CHAC2: variants seen among roughly 807,000 people sequenced by gnomAD.
CHAC2 encodes glutathione-specific gamma-glutamylcyclotransferase 2.
CHAC2 carries 20 observed loss-of-function variants against 16.9 expected under a neutral mutation model. The observed-to-expected ratio is 1.18, with a 90% CI of 0.83 to 1.72. The LOEUF is 1.72. Ranked by LOEUF, CHAC2 falls within the 40% of genes most tolerant of loss-of-function variation. The probability of loss-of-function intolerance (pLI) is 0.00; values close to 1 mark genes in which losing one functional copy is unlikely to be tolerated. For missense variants in CHAC2, 269 were observed against 222.2 expected, an observed-to-expected ratio of 1.21 and a Z score of -1.34; for synonymous variants, 91 against 77.3, an observed-to-expected ratio of 1.18 and a Z score of -0.93.
At position 53,774,335 on chromosome 2, in the gene CHAC2, C is replaced by A. The variant is rs377090726; in HGVS notation, c.365C>A (p.Ala122Glu). 2 of 1,613,424 alleles carry A rather than the reference C, an allele frequency of 1.2e-6. No homozygotes were observed. Among genetic ancestry groups the A allele is most frequent in the Non-Finnish European group, 1.7e-6 (2 of 1,179,846 alleles). The part of the protein sequence containing the change: ...TCDNPDYLGP[A>E]PLEDIAEQIF... ...GATAATCCTGATTATCTTGGTCCTG[C>A]ACCTCTGGAAGACATTGCTGAACAA... Residue 122 changes from alanine to glutamate, a missense_variant, in exon 3 of 3, where the codon GCA (alanine) becomes GAA (glutamate). Transcript: ENST00000295304.
Position 53,774,903 on chromosome 2 carries a change from T to C in CHAC2, c.*378T>C, listed in dbSNP as rs985451221. On this transcript the variant is annotated 3_prime_UTR_variant, in exon 3 of 3. Coordinates refer to ENST00000295304, the MANE Select transcript of CHAC2 (RefSeq NM_001008708.4). ...AATAAATATAAGGTTATGCCTTCAA[T>C]ATATTCCTATACAATTCTGTAACCA... 6.2e-6 allele frequency: 1 copy of C among 160,654 alleles called. No homozygotes were observed. Among genetic ancestry groups the C allele is most frequent in the Admixed American group, 6.2e-5 (1 of 16,096 alleles). The allele number at this position is 160,654 out of a possible 1,614,324, so 10.0% of individuals were successfully genotyped here.
chr2:53,772,166 G>A (rs1290090182), intron 2 of CHAC2, among the ~76,000 whole-genome samples: 1 of 148,342 alleles, frequency 6.7e-6, no homozygotes, highest in African/African-American at 2.6e-5. Flanking sequence ...CAAATAGCAT[G>A]TAGTTTTCGT....
upstream of CHAC2, chr2:53,767,794 G>A (rs747083491): frequency 1.7e-5 from 25 of 1,490,210 alleles, no homozygotes; most frequent in East Asian, 5.0e-5. Context: ...TGCGCCCCGC[G>A]CGGCCGGTTA....
At chr2:53,770,182 C>T (rs959571766) in intron 1 of CHAC2, among the ~76,000 whole-genome samples, 3 of 151,964 alleles carry the variant, frequency 2.0e-5, no homozygotes, top group African/African-American at 4.8e-5. Context: ...AACACAGGAA[C>T]GTTTATAGTT....
intron 1 of CHAC2, 51 bp downstream of exon 1, chr2:53,768,072 C>T (rs1206267012): frequency 1.9e-6 from 3 of 1,599,448 alleles, no homozygotes; most frequent in African/African-American, 2.7e-5. Flanking sequence ...CCCCTGCTCC[C>T]CAACTCCACA....
chr2:53,774,456 G>A lies in CHAC2; in HGVS notation c.486G>A (p.Glu162=). 6.3e-7 allele frequency: 1 copy of A among 1,594,934 alleles called. No homozygotes were observed. The highest frequency in any genetic ancestry group is 8.5e-7 in the Non-Finnish European group (1 of 1,174,532). The change falls in exon 3 of 3, where the codon GAG becomes GAA. Residue 162 remains glutamate (E), a synonymous_variant. Transcript: ENST00000295304. ...IRNLVPEEAD[E]HLFALEKLVK... ...ACCTTGTGCCAGAAGAAGCAGATGA[G>A]CATCTTTTCGCTTTGGAAAAATTAG... is the stretch of plus-strand genomic sequence containing the variant.
chr2:53,772,208 T>A lies in CHAC2; in HGVS notation c.171+266T>A, dbSNP rs144422865. On this transcript the variant is annotated intron_variant, in intron 2 of 2. Coordinates refer to ENST00000295304, the MANE Select transcript of CHAC2 (RefSeq NM_001008708.4). The stretch of plus-strand genomic sequence containing the variant: ...GGGGTTTTTTGAGACAGAGTCTAGC[T>A]CTGTCGCCCAGGCTGGAGTGCAGTG... Among the ~76,000 whole-genome samples the A allele has an allele frequency of 3.6e-3, 546 of 152,214 alleles. 1 individual carries two copies. The highest frequency in any genetic ancestry group is 6.5e-3 in the Non-Finnish European group (444 of 68,012).
At position 53,774,710 on chromosome 2, in the gene CHAC2, A is replaced by G. The variant is rs144304649; in HGVS notation, c.*185A>G. The G allele has an allele frequency of 1.2e-5, 6 of 488,222 alleles. No individual in the cohort carries two copies. In the East Asian group the frequency reaches 2.0e-4, roughly 16 times the overall value. 30.2% of individuals were successfully genotyped at this position (488,222 alleles called of 1,614,324 possible). On this transcript the variant is annotated 3_prime_UTR_variant, in exon 3 of 3. Transcript: ENST00000295304. Reference sequence around the variant, plus strand: ...AAAGAAAAATTCAAATTTTAATAACATAAAGATTTCCTAACTTTATGTTAT... The same window carrying G: ...AAAGAAAAATTCAAATTTTAATAACGTAAAGATTTCCTAACTTTATGTTAT...
intron 1 of CHAC2, among the ~76,000 whole-genome samples, chr2:53,769,230 G>A (rs904962502): frequency 1.3e-5 from 2 of 152,202 alleles, no homozygotes; most frequent in Admixed American, 1.3e-4. Context: ...GTCAGTTTTG[G>A]CTGGGCCCGG....
At position 53,774,819 on chromosome 2, in the gene CHAC2, T is replaced by C. The variant is rs763129755; in HGVS notation, c.*294T>C. The C allele has an allele frequency of 2.6e-5, 6 of 233,346 alleles. No individual in the cohort carries two copies. The highest frequency in any genetic ancestry group is 4.9e-5 in the Non-Finnish European group (6 of 121,542). The allele number at this position is 233,346 out of a possible 1,614,324, so 14.5% of individuals were successfully genotyped here. A position where few individuals can be genotyped will look rare whatever the true frequency, so the allele number is the denominator to read the frequency against. ...AGTCTTGTTTTTATCAGAGTGATAA[T>C]CATCCTGTTTCACATCCCAATACTA... On this transcript the variant is annotated 3_prime_UTR_variant, in exon 3 of 3. Transcript: ENST00000295304.
chr2:53,772,360 G>T (rs1673993614), intron 2 of CHAC2, among the ~76,000 whole-genome samples: 1 of 152,058 alleles, frequency 6.6e-6, no homozygotes, highest in African/African-American at 2.4e-5. Context: ...ATTTTTAGTA[G>T]AGACGAGGTT....
At chr2:53,772,419 C>A (rs1203381995) in intron 2 of CHAC2, among the ~76,000 whole-genome samples, 1 of 152,064 alleles carries the variant, frequency 6.6e-6, no homozygotes, top group Non-Finnish European at 1.5e-5. Context: ...CGTGATCCGC[C>A]CGCCTTGGCC....
At chr2:53,773,585 T>G (rs898005247) in intron 2 of CHAC2, among the ~76,000 whole-genome samples, 4 of 152,016 alleles carry the variant, frequency 2.6e-5, no homozygotes, top group African/African-American at 4.8e-5. Context: ...TGCCTGCCAC[T>G]GTGCCTGACT....
At chr2:53,769,056 C>T (rs1258709515) in intron 1 of CHAC2, among the ~76,000 whole-genome samples, 1 of 152,172 alleles carries the variant, frequency 6.6e-6, no homozygotes, top group African/African-American at 2.4e-5. Context: ...ACTATACTGG[C>T]CTATTGGGAT....
At chr2:53,770,037 T>C (rs1233468974) in intron 1 of CHAC2, among the ~76,000 whole-genome samples, 1 of 152,234 alleles carries the variant, frequency 6.6e-6, no homozygotes, top group Non-Finnish European at 1.5e-5. Context: ...ACAGTAGCTA[T>C]GCATAAATAA....
intron 2 of CHAC2, 121 bp downstream of exon 2, chr2:53,772,063 CTCTG>C: frequency 1.6e-6 from 1 of 630,414 alleles, no homozygotes; most frequent in Non-Finnish European, 2.7e-6. Context: ...TAGAATTCTT[CTCTG>C]TATTTGTGGG....
At chr2:53,768,365 A>G (rs1673648903) in intron 1 of CHAC2, 1 of 213,258 alleles carries the variant, frequency 4.7e-6, no homozygotes, top group Non-Finnish European at 9.3e-6. Flanking sequence ...TGGCGGGAAG[A>G]TGAATGCTCA....
At chr2:53,771,249 T>G (rs540210817) in intron 1 of CHAC2, among the ~76,000 whole-genome samples, 52 of 152,316 alleles carry the variant, frequency 3.4e-4, no homozygotes, top group African/African-American at 1.1e-3. Context: ...GTGCGGTGGC[T>G]CACGCCTGTA....
intron 2 of CHAC2, 134 bp downstream of exon 2, chr2:53,772,076 G>GATTT: frequency 1.7e-6 from 1 of 585,756 alleles, no homozygotes. Flanking sequence ...TGTATTTGTG[G>GATTT]GTTTTTTTTG....
Sources: gnomAD v4.1 joint callset for allele counts (sites outside exome capture counted in the v4.1 genomes callset) on GRCh38, gnomAD v4.1.1 for gene constraint, MANE v1.5 for transcripts, NCBI Gene and HGNC (gene_info 2026-07-23, HGNC 2026-07-21) for gene names.